MAP4K3: variants seen among roughly 807,000 people sequenced by gnomAD.
The protein encoded by MAP4K3 is mitogen-activated protein kinase kinase kinase kinase 3, also known as MAPK/ERK kinase kinase kinase 3.
A neutral mutation model predicts 143.5 loss-of-function variants in MAP4K3; 94 were observed. The ratio of observed to expected loss-of-function variants is 0.65; its 90% CI spans 0.55 to 0.78. MAP4K3 has a LOEUF of 0.78. Ranked by LOEUF, MAP4K3 falls within the 30% of genes least tolerant of loss-of-function variation. The probability of loss-of-function intolerance (pLI) is 0.00; values close to 1 mark genes in which losing one functional copy is unlikely to be tolerated. For missense variants in MAP4K3, 1,077 were observed against 1,068.1 expected (o/e 1.01, Z -0.12); for synonymous variants, 416 against 347.2 (o/e 1.20, Z -2.20).
In MAP4K3 at chr2:39,250,430, T is replaced by C; in HGVS notation, c.*188A>G. 1 of 514,890 alleles carries C rather than the reference T, an allele frequency of 1.9e-6. No individual in the cohort carries two copies. Among genetic ancestry groups the C allele is most frequent in the South Asian group, 3.3e-5 (1 of 30,376 alleles). The allele number at this position is 514,890 out of a possible 1,614,324, so 31.9% of individuals were successfully genotyped here. A position where few individuals can be genotyped will look rare whatever the true frequency, so the allele number is the denominator to read the frequency against. On this transcript the variant is annotated 3_prime_UTR_variant, in exon 34 of 34. Transcript: ENST00000263881. Reference sequence around the variant, plus strand: ...CATAACAATGAATTAAGCACTTGTGTGGTTCAATATGCTAAATATATCCAT... The same window carrying C: ...CATAACAATGAATTAAGCACTTGTGCGGTTCAATATGCTAAATATATCCAT...
At chr2:39,352,578 T>C (rs2148547266) in intron 3 of MAP4K3, among the ~76,000 whole-genome samples, 2 of 152,368 alleles carry the variant, frequency 1.3e-5, no homozygotes, top group Middle Eastern at 6.8e-3. Context: ...ACCGGGACTA[T>C]TTAAAATTTT....
At position 39,395,102 on chromosome 2, in the gene MAP4K3, T is replaced by C. The variant is rs564714249; in HGVS notation, c.97-16979A>G. ...ATTAAACAACCTTCCAGCATTCTAA[T>C]ATCCAGTTTAATTAAAAAAAAGAGA... On this transcript the variant is annotated intron_variant, in intron 1 of 33. Transcript: ENST00000263881. Among the ~76,000 whole-genome samples the C allele has an allele frequency of 1.0e-3, 157 of 152,242 alleles. 1 individual carries two copies. Among genetic ancestry groups the C allele is most frequent in the African/African-American group, 3.4e-3 (142 of 41,556 alleles).
chr2:39,367,485 A>G (rs1375849457), intron 2 of MAP4K3, among the ~76,000 whole-genome samples: 2 of 152,094 alleles, frequency 1.3e-5, no homozygotes, highest in Non-Finnish European at 2.9e-5. Context: ...GGCTGCAGTG[A>G]GCTGTCACTG....
At chr2:39,282,699 A>C in intron 21 of MAP4K3, 145 bp from the exon 22 acceptor site, 1 of 615,352 alleles carries the variant, frequency 1.6e-6, no homozygotes, top group Non-Finnish European at 2.8e-6. Flanking sequence ...GAAGTTCCCC[A>C]TAATTCTTTC....
At chr2:39,305,086 G>C (rs935864549) in intron 15 of MAP4K3, among the ~76,000 whole-genome samples, 4 of 152,214 alleles carry the variant, frequency 2.6e-5, no homozygotes, top group Non-Finnish European at 5.9e-5. Context: ...TGTTTAATGA[G>C]TATAGAGTTT....
chr2:39,405,775 G>A (rs1667077651), intron 1 of MAP4K3, among the ~76,000 whole-genome samples: 2 of 152,116 alleles, frequency 1.3e-5, no homozygotes, highest in South Asian at 4.1e-4. Flanking sequence ...GGCTGAGGTG[G>A]GAGGATCACC....
rs116502265 is a variant in MAP4K3, at chr2:39,435,817, A to C, written c.96+1075T>G. On this transcript the variant is annotated intron_variant, in intron 1 of 33. Coordinates refer to ENST00000263881, the MANE Select transcript of MAP4K3 (RefSeq NM_003618.4). ...AAAAGTGATGAGATCCACGATGGTG[A>C]AAAGTAGATCATCCAGAAAATCAGA... Among the ~76,000 whole-genome samples, 970 of 152,356 alleles carry C rather than the reference A, an allele frequency of 6.4e-3. 9 individuals carry two copies. The highest frequency in any genetic ancestry group is 0.022 in the African/African-American group (930 of 41,596).
intron 4 of MAP4K3, among the ~76,000 whole-genome samples, chr2:39,342,702 A>C (rs1317496951): frequency 2.0e-5 from 3 of 152,124 alleles, no homozygotes; most frequent in South Asian, 4.1e-4. Flanking sequence ...TCACCCCTCA[A>C]ATTACTTAAG....
At chr2:39,396,212 A>AT (rs1666800982) in intron 1 of MAP4K3, among the ~76,000 whole-genome samples, 1 of 151,820 alleles carries the variant, frequency 6.6e-6, no homozygotes, top group Admixed American at 6.6e-5. Flanking sequence ...TAATTTTTAA[A>AT]TTTTTTAATG....
intron 1 of MAP4K3, among the ~76,000 whole-genome samples, chr2:39,410,208 T>C (rs1042851983): frequency 6.6e-6 from 1 of 152,206 alleles, no homozygotes; most frequent in Non-Finnish European, 1.5e-5. Flanking sequence ...AGCTGATTTC[T>C]AGTTCAGCAA....
chr2:39,352,479 A>G (rs1665488151), intron 3 of MAP4K3, among the ~76,000 whole-genome samples: 1 of 152,192 alleles, frequency 6.6e-6, no homozygotes, highest in Non-Finnish European at 1.5e-5. Context: ...TAAGCTCCAA[A>G]AGAATTGTAA....
chr2:39,375,849 T>C (rs990631297), intron 2 of MAP4K3, among the ~76,000 whole-genome samples: 2 of 152,258 alleles, frequency 1.3e-5, no homozygotes, highest in Admixed American at 1.3e-4. Flanking sequence ...TATGCAGTTT[T>C]GTGTGTCTAG....
chr2:39,347,470 T>C (rs912555054), intron 3 of MAP4K3, among the ~76,000 whole-genome samples: 1 of 152,294 alleles, frequency 6.6e-6, no homozygotes, highest in African/African-American at 2.4e-5. Flanking sequence ...ATGACTGTTC[T>C]GGGGTCTGCT....
At chr2:39,368,650 C>CA (rs1665991493) in intron 2 of MAP4K3, among the ~76,000 whole-genome samples, 1 of 151,406 alleles carries the variant, frequency 6.6e-6, no homozygotes, top group African/African-American at 2.4e-5. Flanking sequence ...GCCTGGGTGA[C>CA]AGGGTGAGAT....
chr2:39,391,791 G>C (rs1354216960), intron 1 of MAP4K3, among the ~76,000 whole-genome samples: 1 of 152,162 alleles, frequency 6.6e-6, no homozygotes, highest in African/African-American at 2.4e-5. Context: ...CACCAAGGCA[G>C]ATCACAACCT....
At chr2:39,418,064 G>A (rs543007492) in intron 1 of MAP4K3, among the ~76,000 whole-genome samples, 5 of 152,092 alleles carry the variant, frequency 3.3e-5, no homozygotes, top group Admixed American at 2.6e-4. Flanking sequence ...TTAGCTGGAT[G>A]TGGTGGCGCG....
intron 3 of MAP4K3, among the ~76,000 whole-genome samples, chr2:39,351,233 A>G (rs1396988792): frequency 2.0e-5 from 3 of 152,166 alleles, no homozygotes; most frequent in Non-Finnish European, 4.4e-5. Context: ...TGTCTCCTGA[A>G]TATGTCACAG....
intron 4 of MAP4K3, among the ~76,000 whole-genome samples, chr2:39,340,294 A>G (rs1437692484): frequency 1.3e-5 from 2 of 152,232 alleles, no homozygotes; most frequent in African/African-American, 4.8e-5. Context: ...GACTAGCCAA[A>G]GATTATTACA....
At chr2:39,363,268 C>T (rs1371678945) in intron 2 of MAP4K3, among the ~76,000 whole-genome samples, 2 of 152,128 alleles carry the variant, frequency 1.3e-5, no homozygotes, top group East Asian at 3.8e-4. Context: ...AAAAGACTAC[C>T]TATGGAATGT....
Sources: allele counts gnomAD v4.1 joint callset (sites outside exome capture counted in the v4.1 genomes callset), GRCh38; gene constraint gnomAD v4.1.1; transcripts MANE v1.5; gene names NCBI Gene and HGNC (gene_info 2026-07-23, HGNC 2026-07-21).